Variants in ACTR3C observed in about 807,000 individuals in gnomAD.
ACTR3C encodes the protein actin-related protein 3C.
ACTR3C carries 18 observed loss-of-function variants against 26.3 expected under a neutral mutation model. The ratio of observed to expected loss-of-function variants is 0.68; its 90% confidence interval spans 0.47 to 1.01. The LOEUF (loss-of-function observed/expected upper bound fraction) is 1.01. ACTR3C is among the 50% of genes least tolerant of loss of function. ACTR3C has a pLI of 0.00. For synonymous variants in ACTR3C, 55 were observed against 94.5 expected (o/e 0.58, Z 2.42); for missense variants, 184 against 250.7 (o/e 0.73, Z 1.80).
At chr7:150,137,387 C>T in the ACTR3C span, among the ~76,000 whole-genome samples, 2 of 152,158 alleles carry the variant, frequency 1.3e-5, no homozygotes, top group African/African-American at 2.4e-5. Context: ...CACTAAAGCC[C>T]CCATAGTGCC....
At chr7:149,923,547 A>C in the ACTR3C span, among the ~76,000 whole-genome samples, 1 of 152,232 alleles carries the variant, frequency 6.6e-6, no homozygotes, top group African/African-American at 2.4e-5. Context: ...AACTCTAGTG[A>C]AGAGACAAGT....
the ACTR3C span, among the ~76,000 whole-genome samples, chr7:150,147,992 C>T: frequency 1.4e-5 from 2 of 146,816 alleles, no homozygotes; most frequent in African/African-American, 5.1e-5. Context: ...CTGAAGCCTG[C>T]CAGAGGGCGG....
chr7:150,281,293 C>G (rs1173939465), intron 6 of ACTR3C, among the ~76,000 whole-genome samples: 1 of 151,654 alleles, frequency 6.6e-6, no homozygotes, highest in Non-Finnish European at 1.5e-5. Context: ...CTAACCAGAA[C>G]AGTGTTTTAG....
chr7:150,113,776 G>C, the ACTR3C span, among the ~76,000 whole-genome samples: 10 of 152,124 alleles, frequency 6.6e-5, no homozygotes, highest in African/African-American at 2.4e-4. Flanking sequence ...TCTATGCCTG[G>C]CTAAAAATGA....
the ACTR3C span, among the ~76,000 whole-genome samples, chr7:150,026,995 G>A: frequency 8.6e-5 from 13 of 151,992 alleles, no homozygotes; most frequent in South Asian, 2.5e-3. Flanking sequence ...ATCAAACCGA[G>A]GCTTAAGGTT....
the ACTR3C span, among the ~76,000 whole-genome samples, chr7:150,013,913 T>C: frequency 1.3e-5 from 2 of 152,196 alleles, no homozygotes; most frequent in Non-Finnish European, 2.9e-5. Flanking sequence ...TCTATAGGCC[T>C]CTTTCATTTC....
chr7:150,226,555 G>A, the ACTR3C span, among the ~76,000 whole-genome samples: 9,074 of 152,144 alleles, frequency 0.06, 490 homozygotes, highest in African/African-American at 0.14. Flanking sequence ...TCCTGCCTTA[G>A]CCTCCTGAGT....
At chr7:149,998,127 C>G in the ACTR3C span, among the ~76,000 whole-genome samples, 1 of 150,808 alleles carries the variant, frequency 6.6e-6, no homozygotes, top group African/African-American at 2.4e-5. Flanking sequence ...TTCTTCTGCC[C>G]TCAGTAACAT....
chr7:150,049,705 G>A, the ACTR3C span, among the ~76,000 whole-genome samples: 3 of 151,742 alleles, frequency 2.0e-5, no homozygotes, highest in Non-Finnish European at 2.9e-5. Flanking sequence ...AGTCTCCTGG[G>A]AAGAGACCTC....
At chr7:150,039,279 T>TC in the ACTR3C span, among the ~76,000 whole-genome samples, 3 of 140,896 alleles carry the variant, frequency 2.1e-5, no homozygotes, top group Non-Finnish European at 3.1e-5. Context: ...GGGGGGTGCC[T>TC]CCCCCCTCCT....
Position 150,276,928 on chromosome 7 carries a change from T to G in ACTR3C, c.564+7825A>C, listed in dbSNP as rs1024608720. 2.3e-4 allele frequency among the ~76,000 whole-genome samples: 35 copies of G among 152,204 alleles called. 1 individual carries two copies. The highest frequency in any genetic ancestry group is 8.4e-4 in the African/African-American group (35 of 41,446). On this transcript the variant is annotated intron_variant, in intron 6 of 7. Coordinates refer to ENST00000683684, the MANE Select transcript of ACTR3C (RefSeq NM_001164458.2). ...AACTTGGCCAGGGCACAGCACCCAG[T>G]GATTTAACCAGACACTAACCGAGGT...
the ACTR3C span, among the ~76,000 whole-genome samples, chr7:149,997,465 C>A: frequency 1.3e-5 from 2 of 151,886 alleles, no homozygotes; most frequent in African/African-American, 4.8e-5. Context: ...TTTTTTGTTG[C>A]TCACTGCTGT....
chr7:150,137,275 AG>A, the ACTR3C span, among the ~76,000 whole-genome samples: 1 of 152,228 alleles, frequency 6.6e-6, no homozygotes, highest in African/African-American at 2.4e-5. Context: ...ACTAAATACC[AG>A]CAAGACAACC....
the ACTR3C span, among the ~76,000 whole-genome samples, chr7:150,037,007 A>G: frequency 1.3e-5 from 1 of 78,750 alleles, no homozygotes; most frequent in African/African-American, 4.7e-5. Flanking sequence ...CCCCCCTGCG[A>G]TGGGGGTACC....
the ACTR3C span, among the ~76,000 whole-genome samples, chr7:149,947,665 T>G: frequency 1.8e-5 from 2 of 111,194 alleles, no homozygotes; most frequent in African/African-American, 4.6e-5. Flanking sequence ...GCAGGATGAG[T>G]GGGGTGGGTA....
At chr7:150,140,467 C>A in the ACTR3C span, among the ~76,000 whole-genome samples, 2 of 152,082 alleles carry the variant, frequency 1.3e-5, no homozygotes, top group Non-Finnish European at 2.9e-5. Flanking sequence ...CCACAGAGAA[C>A]CTTTTATGAA....
downstream of ACTR3C, among the ~76,000 whole-genome samples, chr7:150,240,866 A>G (rs1832140642): frequency 6.6e-6 from 1 of 152,252 alleles, no homozygotes; most frequent in Non-Finnish European, 1.5e-5. Flanking sequence ...TGAACTGAGC[A>G]TCATCAATAC....
chr7:150,024,206 T>C, the ACTR3C span, among the ~76,000 whole-genome samples: 1 of 151,756 alleles, frequency 6.6e-6, no homozygotes, highest in Non-Finnish European at 1.5e-5. Flanking sequence ...TTCTTTCTTT[T>C]GGGCAATTAA....
At chr7:149,967,475 G>A in the ACTR3C span, among the ~76,000 whole-genome samples, 1 of 152,166 alleles carries the variant, frequency 6.6e-6, no homozygotes, top group African/African-American at 2.4e-5. Flanking sequence ...TCTGGCCCAT[G>A]TCTATGTTTT....
Sources: gnomAD v4.1 joint callset for allele counts (sites outside exome capture counted in the v4.1 genomes callset) on GRCh38, gnomAD v4.1.1 for gene constraint, MANE v1.5 for transcripts, NCBI Gene and HGNC (gene_info 2026-07-23, HGNC 2026-07-21) for gene names.